The following DCBLD1 variants were observed in gnomAD, a reference collection of about 807,000 sequenced individuals.
DCBLD1 encodes the protein discoidin, CUB and LCCL domain containing 1.
Under a neutral mutation model 71.5 loss-of-function variants are expected in DCBLD1, and 57 were observed. The observed-to-expected ratio is 0.80, with a 90% CI of 0.64 to 0.99. DCBLD1 has a LOEUF of 0.99. Ranked by LOEUF, DCBLD1 falls within the 50% of genes least tolerant of loss-of-function variation. The pLI is 0.00. For missense variants in DCBLD1, 891 were observed against 923.5 expected (o/e 0.96, Z 0.46); for synonymous variants, 380 against 363.8 (o/e 1.04, Z -0.51).
intron 14 of DCBLD1, chr6:117,563,058 A>G (rs111524047): frequency 1.9e-6 from 1 of 537,794 alleles, no homozygotes; most frequent in African/African-American, 1.9e-5. Flanking sequence ...TTTACATGCA[A>G]TAGCTAATTA....
chr6:117,563,734 T>TAA (rs754335178), intron 14 of DCBLD1, among the ~76,000 whole-genome samples: 3 of 131,204 alleles, frequency 2.3e-5, no homozygotes, highest in Admixed American at 7.5e-5. Flanking sequence ...TTAAAAAAAT[T>TAA]AAAAAAAAAA....
chr6:117,496,002 C>T (rs9481728), intron 1 of DCBLD1, among the ~76,000 whole-genome samples: 92,015 of 152,102 alleles, frequency 0.6, 29,884 homozygotes, highest in African/African-American at 0.87. Flanking sequence ...TTTTAAGTGA[C>T]ACTTTTAGCT....
chr6:117,506,127 A>G (rs938268028), intron 2 of DCBLD1, among the ~76,000 whole-genome samples: 2 of 152,108 alleles, frequency 1.3e-5, no homozygotes, highest in Non-Finnish European at 2.9e-5. Flanking sequence ...TATGCCAGGC[A>G]CCTGCTTGGC....
Position 117,482,863 on chromosome 6 carries a change from GC to G in DCBLD1, c.86del (p.Pro29ArgfsTer16), listed in dbSNP as rs1464553928. On this transcript the variant is annotated frameshift_variant, in exon 1 of 15. Coordinates refer to ENST00000338728, the MANE Select transcript of DCBLD1 (RefSeq NM_001366458.2). LOFTEE classifies it high-confidence loss of function. ...GLLALLLAVS[A>X]PLRLQAEELG... is the part of the protein sequence containing the mutation. ...CCTGGCTTTGCTGCTCGCGGTCTCC[GC>G]CCCGCTCCGGCTGCAGGCGGAGGAG... 8.4e-7 allele frequency: 1 copy of G among 1,190,486 alleles called. No individual in the cohort carries two copies. The highest frequency in any genetic ancestry group is 3.4e-5 in the South Asian group (1 of 29,778). The allele number at this position is 1,190,486 out of a possible 1,614,324, so 73.7% of individuals were successfully genotyped here.
intron 1 of DCBLD1, among the ~76,000 whole-genome samples, chr6:117,486,994 C>T (rs1457467006): frequency 6.6e-6 from 1 of 152,128 alleles, no homozygotes; most frequent in East Asian, 1.9e-4. Flanking sequence ...TTATGAGAAT[C>T]TAATGCCTGA....
chr6:117,554,604 T>C (rs1779472591), downstream of DCBLD1, among the ~76,000 whole-genome samples: 1 of 152,172 alleles, frequency 6.6e-6, no homozygotes, highest in Non-Finnish European at 1.5e-5. Flanking sequence ...ACATTAATAT[T>C]CATTTGTGGG....
chr6:117,501,374 C>A (rs1777654304), intron 1 of DCBLD1, among the ~76,000 whole-genome samples: 1 of 152,136 alleles, frequency 6.6e-6, no homozygotes, highest in Non-Finnish European at 1.5e-5. Flanking sequence ...CTCACTCTTG[C>A]CCAGGCTGGA....
At chr6:117,541,899 T>C (rs935943579) in intron 11 of DCBLD1, among the ~76,000 whole-genome samples, 1 of 152,210 alleles carries the variant, frequency 6.6e-6, no homozygotes, top group African/African-American at 2.4e-5. Context: ...TTAATGTCTT[T>C]ATAGTATTTT....
At chr6:117,544,199 G>A (rs1466135654) in intron 12 of DCBLD1, 1 of 218,796 alleles carries the variant, frequency 4.6e-6, no homozygotes, top group African/African-American at 2.3e-5. Flanking sequence ...TAGTAGAGAT[G>A]AAGTGAGACC....
intron 12 of DCBLD1, 84 bp from the exon 13 acceptor site, chr6:117,544,444 C>T (rs1779198543): frequency 7.1e-7 from 1 of 1,410,020 alleles, no homozygotes; most frequent in African/African-American, 1.4e-5. Context: ...GAGGTAAGTA[C>T]TATTATGATC....
At chr6:117,483,002 G>T (rs1776954954) in intron 1 of DCBLD1, 109 bp downstream of exon 1, 8 of 1,008,810 alleles carry the variant, frequency 7.9e-6, no homozygotes, top group Non-Finnish European at 8.4e-6. Flanking sequence ...GCCGGGCCTG[G>T]GGGGACGGAG....
intron 1 of DCBLD1, among the ~76,000 whole-genome samples, chr6:117,493,562 A>T (rs1777368943): frequency 6.6e-6 from 1 of 152,236 alleles, no homozygotes; most frequent in Admixed American, 6.5e-5. Flanking sequence ...TTTGAGACAA[A>T]AAGAGTATGA....
chr6:117,546,975 C>T (rs896363414), intron 14 of DCBLD1, among the ~76,000 whole-genome samples: 1 of 152,192 alleles, frequency 6.6e-6, no homozygotes, highest in Non-Finnish European at 1.5e-5. Flanking sequence ...GAGTCCTTGC[C>T]TCCCGGCTTT....
chr6:117,501,221 A>C lies in DCBLD1; in HGVS notation c.113-2546A>C, dbSNP rs539841376. Among the ~76,000 whole-genome samples, 17 of 152,338 alleles carry C rather than the reference A, an allele frequency of 1.1e-4. No homozygotes were observed. In the East Asian group the frequency reaches 2.9e-3, roughly 26 times the overall value. On this transcript the variant is annotated intron_variant, in intron 1 of 14. Coordinates refer to ENST00000338728, the MANE Select transcript of DCBLD1 (RefSeq NM_001366458.2). ...GGTAGGGCAGGTAACAGAAATGAGT[A>C]ACAAGGACCTGGTGAAGAACTAGGG...
chr6:117,564,284 C>A (rs1435196326), intron 14 of DCBLD1, among the ~76,000 whole-genome samples: 2 of 152,136 alleles, frequency 1.3e-5, no homozygotes, highest in African/African-American at 4.8e-5. Context: ...GTCTGTAAGA[C>A]TTAGAAGTAA....
intron 1 of DCBLD1, 115 bp from the exon 2 acceptor site, chr6:117,503,652 C>A: frequency 8.8e-7 from 1 of 1,137,386 alleles, no homozygotes; most frequent in Non-Finnish European, 1.2e-6. Context: ...TTTTGGTTTT[C>A]CTTCTGCCCA....
In DCBLD1 at chr6:117,549,026, G is replaced by C; in HGVS notation, c.*587G>C. The stretch of plus-strand genomic sequence containing the variant: ...AAATGAATTACTTGAAGCATGAAAA[G>C]CACACCAGGGTGGTTGTTTATTTAG... On this transcript the variant is annotated 3_prime_UTR_variant, in exon 15 of 15. Transcript: ENST00000338728. 1 of 986,976 alleles carries C rather than the reference G, an allele frequency of 1.0e-6. No individual in the cohort carries two copies. Among genetic ancestry groups the C allele is most frequent in the South Asian group, 4.7e-5 (1 of 21,394 alleles). The allele number at this position is 986,976 out of a possible 1,614,324, so 61.1% of individuals were successfully genotyped here.
intron 2 of DCBLD1, among the ~76,000 whole-genome samples, chr6:117,512,816 C>G (rs1409300879): frequency 6.6e-6 from 1 of 151,310 alleles, no homozygotes; most frequent in Admixed American, 6.6e-5. Context: ...TATGACAGAC[C>G]TTTCAGGAGT....
At position 117,537,185 on chromosome 6, in the gene DCBLD1, T is replaced by C. The variant is rs1163376729; in HGVS notation, c.720T>C (p.Asp240=). ...GILANGVLSR[D]GSLSDKRFLF... ...CTCATGTTTGTCTTTATTGTTTCAGTGGTTCCCTGTCAGACAAGCGATTTC... is the reference window on the plus strand; with the variant it reads ...CTCATGTTTGTCTTTATTGTTTCAGCGGTTCCCTGTCAGACAAGCGATTTC... The change falls in exon 7 of 15, where the codon GAT becomes GAC. Residue 240 remains aspartate, a splice_region_variant and synonymous_variant. Transcript: ENST00000338728. 2 of 1,614,060 alleles carry C rather than the reference T, an allele frequency of 1.2e-6. No homozygotes were observed. Among genetic ancestry groups the C allele is most frequent in the Non-Finnish European group, 1.7e-6 (2 of 1,179,936 alleles).
Sources: allele counts gnomAD v4.1 joint callset (sites outside exome capture counted in the v4.1 genomes callset), GRCh38; gene constraint gnomAD v4.1.1; transcripts MANE v1.5; gene names NCBI Gene and HGNC (gene_info 2026-07-23, HGNC 2026-07-21).